KIF26B: variants seen among roughly 807,000 people sequenced by gnomAD.
The protein encoded by KIF26B is kinesin-like protein KIF26B.
Under a neutral mutation model 151.2 loss-of-function variants are expected in KIF26B, and 63 were observed. That is an observed-to-expected ratio of 0.42 (90% CI 0.34 to 0.51). The LOEUF is 0.51. KIF26B is among the 20% of genes least tolerant of loss of function. KIF26B has a pLI of 0.07. For missense variants in KIF26B, 2,813 were observed against 2,913.6 expected (o/e 0.97, Z 0.79); for synonymous variants, 1,357 against 1,262.1 (o/e 1.08, Z -1.59).
intron 4 of KIF26B, among the ~76,000 whole-genome samples, chr1:245,530,445 T>C (rs1002375444): frequency 6.6e-6 from 1 of 152,110 alleles, no homozygotes; most frequent in African/African-American, 2.4e-5. Flanking sequence ...CATCCATCAA[T>C]AGACAAATGA....
intron 4 of KIF26B, among the ~76,000 whole-genome samples, chr1:245,464,611 G>GGT (rs1339029529): frequency 2.2e-5 from 3 of 137,688 alleles, no homozygotes; most frequent in South Asian, 2.4e-4. Context: ...TGTGCGTGTG[G>GGT]GTGTGTGGGT....
At chr1:245,433,466 C>CAAAA (rs111335967) in intron 4 of KIF26B, among the ~76,000 whole-genome samples, 4 of 115,028 alleles carry the variant, frequency 3.5e-5, no homozygotes, top group African/African-American at 9.7e-5. Flanking sequence ...GACTCTGTCT[C>CAAAA]AAAAAAAAAA....
In KIF26B at chr1:245,686,187, GGGCATCGCCA is replaced by G; in HGVS notation, c.3206_3215del (p.Gly1069AlafsTer60). The G allele has an allele frequency of 6.2e-7, 1 of 1,612,542 alleles. No homozygotes were observed. Among genetic ancestry groups the G allele is most frequent in the African/African-American group, 1.3e-5 (1 of 75,052 alleles). On this transcript the variant is annotated frameshift_variant, in exon 12 of 15. Transcript: ENST00000407071. LOFTEE classifies it high-confidence loss of function. This position sits in a 1 kb window ranked among gnomAD's most constrained non-coding sequence, Gnocchi z 5.6. ...CCAGGCCCATGGGCTCCCCCCGGCTGGGCATCGCCAGCCTGTCCAAGACCTCGGAGTACAA... is the reference window on the plus strand; with the variant it reads ...CCAGGCCCATGGGCTCCCCCCGGCTGGCCTGTCCAAGACCTCGGAGTACAA...
At chr1:245,196,870 G>C (rs765167885) in intron 2 of KIF26B, among the ~76,000 whole-genome samples, 4 of 152,236 alleles carry the variant, frequency 2.6e-5, no homozygotes, top group Admixed American at 6.5e-5. Context: ...ATCCTCAGAG[G>C]TACTGTGTGC....
chr1:245,701,904 G>GGACTT (rs950344457), intron 14 of KIF26B, among the ~76,000 whole-genome samples: 1 of 152,178 alleles, frequency 6.6e-6, no homozygotes, highest in Non-Finnish European at 1.5e-5. Flanking sequence ...ACAAAGCAGG[G>GGACTT]GACTTGATGC....
rs559122206 is a variant in KIF26B at position 245,165,058 on chromosome 1, G to A, written c.465+8375G>A. Among the ~76,000 whole-genome samples, 60 of 112,278 alleles carry A rather than the reference G, an allele frequency of 5.3e-4. No individual in the cohort carries two copies. The South Asian group carries it at 0.021, about 39-fold the overall frequency. The allele number at this position is 112,278 out of a possible 152,430, so 73.7% of individuals were successfully genotyped here. ...TGCACTCCAGCGTGGGTGACGGTGC[G>A]AGACTCCATCTTTAAAAAAAAAATA... is the stretch of plus-strand genomic sequence containing the variant. On this transcript the variant is annotated intron_variant, in intron 2 of 14. Coordinates refer to ENST00000407071, the MANE Select transcript of KIF26B (RefSeq NM_018012.4).
At chr1:245,372,436 G>A (rs1434647055) in intron 3 of KIF26B, among the ~76,000 whole-genome samples, 1 of 152,106 alleles carries the variant, frequency 6.6e-6, no homozygotes, top group East Asian at 1.9e-4. Context: ...GTGTGTCACT[G>A]GGGTTTGATG....
intron 10 of KIF26B, among the ~76,000 whole-genome samples, chr1:245,679,020 T>C (rs1417054363): frequency 1.3e-5 from 2 of 152,160 alleles, no homozygotes; most frequent in Admixed American, 6.5e-5. Flanking sequence ...ACCTGCATTC[T>C]CTGCTTGGTG....
At chr1:245,336,814 T>C (rs1217211122) in intron 2 of KIF26B, among the ~76,000 whole-genome samples, 1 of 152,226 alleles carries the variant, frequency 6.6e-6, no homozygotes, top group African/African-American at 2.4e-5. Flanking sequence ...AAAGACTGGC[T>C]CTTTGCTAAT....
intron 2 of KIF26B, among the ~76,000 whole-genome samples, chr1:245,222,454 AC>A (rs1669794238): frequency 6.6e-6 from 1 of 152,184 alleles, no homozygotes; most frequent in Non-Finnish European, 1.5e-5. Flanking sequence ...AAACAAACAA[AC>A]AAAAACACTA....
intron 3 of KIF26B, among the ~76,000 whole-genome samples, chr1:245,419,355 G>C (rs1382742286): frequency 1.3e-5 from 2 of 152,104 alleles, no homozygotes. Context: ...CAATGTCGGG[G>C]GATAATTTTA....
chr1:245,269,277 A>ATGG, intron 2 of KIF26B, among the ~76,000 whole-genome samples: 1 of 115,708 alleles, frequency 8.6e-6, no homozygotes, highest in African/African-American at 3.3e-5. Flanking sequence ...CTCCCACCCA[A>ATGG]CGGCCCCTCT....
intron 4 of KIF26B, among the ~76,000 whole-genome samples, chr1:245,438,201 T>C (rs1658980159): frequency 6.6e-6 from 1 of 152,106 alleles, no homozygotes; most frequent in South Asian, 2.1e-4. Flanking sequence ...ACCACAGAGC[T>C]CCCAAAAGCG....
At chr1:245,458,712 C>T (rs994309116) in intron 4 of KIF26B, among the ~76,000 whole-genome samples, 1 of 152,156 alleles carries the variant, frequency 6.6e-6, no homozygotes, top group Non-Finnish European at 1.5e-5. Context: ...CCAAACTTTC[C>T]GGATTAATTT....
intron 2 of KIF26B, among the ~76,000 whole-genome samples, chr1:245,311,071 A>T (rs1283795060): frequency 6.6e-6 from 1 of 152,138 alleles, no homozygotes; most frequent in East Asian, 1.9e-4. Flanking sequence ...ATGAAGCTGA[A>T]GAAGGAGAAA....
intron 9 of KIF26B, among the ~76,000 whole-genome samples, chr1:245,622,739 A>G (rs1256953607): frequency 6.6e-6 from 1 of 152,172 alleles, no homozygotes; most frequent in Non-Finnish European, 1.5e-5. Context: ...GCCAGGTATG[A>G]GGCTGTAAGC....
At chr1:245,263,388 TGG>T (rs1670682548) in intron 2 of KIF26B, among the ~76,000 whole-genome samples, 1 of 152,226 alleles carries the variant, frequency 6.6e-6, no homozygotes. Context: ...TTTGGGTTCT[TGG>T]CACTTCGGTG....
intron 2 of KIF26B, among the ~76,000 whole-genome samples, chr1:245,299,676 C>T (rs1428909642): frequency 2.0e-5 from 3 of 152,124 alleles, no homozygotes; most frequent in African/African-American, 7.2e-5. Context: ...CCAAGGTTGC[C>T]CAGCTAACAT....
At chr1:245,192,377 T>G (rs778796400) in intron 2 of KIF26B, among the ~76,000 whole-genome samples, 1 of 152,054 alleles carries the variant, frequency 6.6e-6, no homozygotes. Context: ...TGCTACAATA[T>G]TAGCAGAGAA....
Sources: allele counts gnomAD v4.1 joint callset (sites outside exome capture counted in the v4.1 genomes callset), GRCh38; gene constraint gnomAD v4.1.1; non-coding constraint Gnocchi (gnomAD v3.1); transcripts MANE v1.5; gene names NCBI Gene and HGNC (gene_info 2026-07-23, HGNC 2026-07-21).